The following MEGF11 variants were observed in gnomAD, a reference collection of about 807,000 sequenced individuals.
MEGF11 encodes multiple epidermal growth factor-like domains protein 11.
MEGF11 carries 126 observed loss-of-function variants against 146.6 expected under a neutral mutation model. That is an observed-to-expected ratio of 0.86 (90% CI 0.74 to 1.00). The LOEUF (loss-of-function observed/expected upper bound fraction) is 1.00, where lower values mean the gene tolerates loss of function less well. Among genes scored for constraint, MEGF11 ranks in the 50% least tolerant of loss-of-function variants. The pLI, the probability that MEGF11 is intolerant of heterozygous loss-of-function variation, is 0.00. For synonymous variants in MEGF11, 532 were observed against 583.4 expected (o/e 0.91, Z 1.27); for missense variants, 1,509 against 1,521.2 (o/e 0.99, Z 0.13).
chr15:65,922,184 G>T, intron 15 of MEGF11, 154 bp downstream of exon 15: 1 of 808,804 alleles, frequency 1.2e-6, no homozygotes, highest in Non-Finnish European at 2.0e-6. Context: ...ATGCCATGTG[G>T]GGCTCAATTC....
At chr15:66,005,109 A>G (rs935841170) in intron 5 of MEGF11, among the ~76,000 whole-genome samples, 2 of 152,162 alleles carry the variant, frequency 1.3e-5, no homozygotes, top group South Asian at 4.2e-4. Context: ...TAAAAAAGAA[A>G]AACAGATACA....
At chr15:65,901,165 A>G (rs765859545) in intron 24 of MEGF11, among the ~76,000 whole-genome samples, 11 of 152,190 alleles carry the variant, frequency 7.2e-5, no homozygotes, top group Non-Finnish European at 1.2e-4. Context: ...AGTACAAGGA[A>G]GTGGTGGTAA....
chr15:65,941,657 C>A (rs2079996400), intron 10 of MEGF11, among the ~76,000 whole-genome samples: 1 of 152,182 alleles, frequency 6.6e-6, no homozygotes, highest in Admixed American at 6.5e-5. Context: ...CATTCTCTTT[C>A]CTGAGATTCT....
rs2081695256 is a variant in MEGF11 at position 65,982,611 on chromosome 15, C to T, written c.395-123G>A. 8.3e-7 allele frequency: 1 copy of T among 1,202,580 alleles called. No individual in the cohort carries two copies. Among genetic ancestry groups the T allele is most frequent in the South Asian group, 1.9e-5 (1 of 53,666 alleles). 74.5% of individuals were successfully genotyped at this position (1,202,580 alleles called of 1,614,324 possible). On this transcript the variant is annotated intron_variant, in intron 5 of 25. Transcript: ENST00000395614. The surrounding 1 kb of genome is among the most constrained non-coding windows in gnomAD (Gnocchi z 5.6). ...GCGCTGCTCCCCGGACAGGTGGCAGCAAGGGGTGCCTGGAAGCTTTGGTGC... is the reference window on the plus strand; with the variant it reads ...GCGCTGCTCCCCGGACAGGTGGCAGTAAGGGGTGCCTGGAAGCTTTGGTGC...
intron 4 of MEGF11, among the ~76,000 whole-genome samples, chr15:66,111,885 C>T (rs2087433274): frequency 6.6e-6 from 1 of 152,056 alleles, no homozygotes; most frequent in Non-Finnish European, 1.5e-5. Flanking sequence ...GTGAAATTCA[C>T]ATCAATTAAG....
In MEGF11 at chr15:65,916,331, G is replaced by C. The variant is rs1378511005; in HGVS notation, c.2216-55C>G. The stretch of plus-strand genomic sequence containing the variant: ...GTTGCTGCTGGGTGGGGACAAGGGG[G>C]ACAGCAGGAACCAGACCTGTCTTCT... On this transcript the variant is annotated intron_variant, in intron 17 of 25. Coordinates refer to ENST00000395614, the MANE Select transcript of MEGF11 (RefSeq NM_001385028.1). 3.3e-6 allele frequency: 5 copies of C among 1,523,890 alleles called. No individual in the cohort carries two copies. The African/African-American group carries it at 6.9e-5, about 21-fold the overall frequency. The allele number at this position is 1,523,890 out of a possible 1,614,324, so 94.4% of individuals were successfully genotyped here. A position where few individuals can be genotyped will look rare whatever the true frequency, so the allele number is the denominator to read the frequency against.
chr15:65,964,246 AG>A (rs1465688172), intron 9 of MEGF11, among the ~76,000 whole-genome samples: 1 of 152,132 alleles, frequency 6.6e-6, no homozygotes, highest in African/African-American at 2.4e-5. Flanking sequence ...TGGGGGGTGG[AG>A]GGACAACTTC....
chr15:65,997,009 C>T (rs186768978), intron 5 of MEGF11, among the ~76,000 whole-genome samples: 47 of 152,320 alleles, frequency 3.1e-4, no homozygotes, highest in Admixed American at 1.1e-3. Context: ...GGAAGCACGT[C>T]GCTTTGGGAT....
At chr15:66,153,417 A>G (rs967042331) in intron 1 of MEGF11, among the ~76,000 whole-genome samples, 2 of 152,150 alleles carry the variant, frequency 1.3e-5, no homozygotes, top group African/African-American at 4.8e-5. Context: ...TACTAAAAAT[A>G]CAAAAATTAG....
At chr15:65,913,111 G>A (rs999461505) in intron 20 of MEGF11, among the ~76,000 whole-genome samples, 3 of 152,088 alleles carry the variant, frequency 2.0e-5, no homozygotes, top group East Asian at 3.8e-4. Context: ...GAAGGATATC[G>A]CCCAGCAGCC....
chr15:65,940,484 C>T (rs146088008), intron 10 of MEGF11, among the ~76,000 whole-genome samples: 240 of 152,358 alleles, frequency 1.6e-3, no homozygotes, highest in Middle Eastern at 6.8e-3. Context: ...AAGAGTGACA[C>T]GTGGCCCACA....
chr15:66,195,147 A>C (rs2090978469), intron 1 of MEGF11, among the ~76,000 whole-genome samples: 1 of 152,124 alleles, frequency 6.6e-6, no homozygotes, highest in Admixed American at 6.5e-5. Flanking sequence ...TCTCCTCTCT[A>C]TGTCTGTGTC....
intron 5 of MEGF11, among the ~76,000 whole-genome samples, chr15:66,050,910 T>C (rs1288496039): frequency 6.6e-6 from 1 of 152,224 alleles, no homozygotes; most frequent in Non-Finnish European, 1.5e-5. Flanking sequence ...TTAAAGCCTA[T>C]CTTGGGGCAA....
intron 10 of MEGF11, among the ~76,000 whole-genome samples, chr15:65,947,537 A>G (rs1186151861): frequency 2.0e-5 from 3 of 152,168 alleles, no homozygotes; most frequent in African/African-American, 7.2e-5. Flanking sequence ...ATTAAACACA[A>G]TGTACATAGA....
At position 65,913,797 on chromosome 15, in the gene MEGF11, C is replaced by T. The variant is rs753205807; in HGVS notation, c.2650G>A (p.Ala884Thr). Residue 884 changes from alanine to threonine, a missense_variant, in exon 20 of 26, where the codon GCT becomes ACT. Coordinates refer to ENST00000395614, the MANE Select transcript of MEGF11 (RefSeq NM_001385028.1). The stretch of plus-strand genomic sequence containing the variant: ...GCAGGTGTGTAGGAGACACGGGGAG[C>T]CAGGTCTCGGCCCTTCTCTTTCTGC... ...RRQKEKGRDLAPRVSYTPAMR... is the reference protein window; with the variant it reads ...RRQKEKGRDLTPRVSYTPAMR... 3 of 1,613,786 alleles carry T rather than the reference C, an allele frequency of 1.9e-6. No individual in the cohort carries two copies. The South Asian group carries it at 3.3e-5, about 18-fold the overall frequency.
At chr15:66,030,444 T>C (rs1348647993) in intron 5 of MEGF11, among the ~76,000 whole-genome samples, 1 of 152,178 alleles carries the variant, frequency 6.6e-6, no homozygotes, top group Non-Finnish European at 1.5e-5. Flanking sequence ...GGAGTCTTGC[T>C]CTGTTGCCAG....
intron 5 of MEGF11, among the ~76,000 whole-genome samples, chr15:66,047,963 T>TA (rs2084283756): frequency 6.6e-6 from 1 of 150,608 alleles, no homozygotes; most frequent in Non-Finnish European, 1.5e-5. Flanking sequence ...GTTTTTTTTT[T>TA]TTCTTTTTTG....
chr15:66,116,233 C>T (rs569052569), intron 4 of MEGF11, among the ~76,000 whole-genome samples: 33 of 152,292 alleles, frequency 2.2e-4, no homozygotes, highest in African/African-American at 7.5e-4. Flanking sequence ...TCTGTCTAGC[C>T]TTTTTCACAT....
intron 1 of MEGF11, among the ~76,000 whole-genome samples, chr15:66,143,075 G>C (rs1199123879): frequency 6.6e-6 from 1 of 152,192 alleles, no homozygotes; most frequent in Non-Finnish European, 1.5e-5. Flanking sequence ...AGCAGGGAGG[G>C]GTGCGTCCTA....
Sources: gnomAD v4.1 joint callset for allele counts (sites outside exome capture counted in the v4.1 genomes callset) on GRCh38, gnomAD v4.1.1 for gene constraint, Gnocchi (gnomAD v3.1) non-coding constraint, MANE v1.5 for transcripts, NCBI Gene and HGNC (gene_info 2026-07-23, HGNC 2026-07-21) for gene names.